Variants in JMJD1C observed in about 807,000 individuals in gnomAD.
JMJD1C encodes jumonji domain containing 1C.
Under a neutral mutation model 245.3 loss-of-function variants are expected in JMJD1C, and 31 were observed. The observed-to-expected ratio is 0.13, with a 90% CI of 0.09 to 0.17. JMJD1C has a LOEUF of 0.17. Among genes scored for constraint, JMJD1C ranks in the 10% least tolerant of loss-of-function variants. The pLI is 1.00. For missense variants in JMJD1C, 2,691 were observed against 3,000.2 expected (o/e 0.90, Z 2.41); for synonymous variants, 1,057 against 1,017.4 (o/e 1.04, Z -0.74).
intron 3 of JMJD1C, among the ~76,000 whole-genome samples, chr10:63,241,246 G>A (rs1851448489): frequency 6.6e-6 from 1 of 152,154 alleles, no homozygotes; most frequent in African/African-American, 2.4e-5. Context: ...ATATTAAGTT[G>A]AAAGCTCAGG....
chr10:63,216,515 C>T (rs771411664), intron 5 of JMJD1C, among the ~76,000 whole-genome samples: 3 of 151,828 alleles, frequency 2.0e-5, no homozygotes, highest in Non-Finnish European at 4.4e-5. Context: ...TCGAGACCAT[C>T]CTGGCTAACA....
chr10:63,516,497 G>A (rs1265160847), intron 1 of JMJD1C, among the ~76,000 whole-genome samples: 1 of 152,116 alleles, frequency 6.6e-6, no homozygotes, highest in Non-Finnish European at 1.5e-5. Context: ...TCTATCTTGA[G>A]CTTAAAACCC....
At chr10:63,454,372 C>T (rs538050834) in intron 1 of JMJD1C, among the ~76,000 whole-genome samples, 1 of 152,064 alleles carries the variant, frequency 6.6e-6, no homozygotes, top group East Asian at 1.9e-4. Flanking sequence ...ATTCTCATGC[C>T]TCAGCCTCCA....
At chr10:63,468,153 GT>G (rs1190849647), upstream of JMJD1C, among the ~76,000 whole-genome samples, 1 of 152,066 alleles carries the variant, frequency 6.6e-6, no homozygotes, top group Admixed American at 6.6e-5. Flanking sequence ...TAGAAACAAA[GT>G]TTTTCAGGAG....
intron 2 of JMJD1C, among the ~76,000 whole-genome samples, chr10:63,338,241 C>G (rs1482421570): frequency 6.6e-6 from 1 of 152,152 alleles, no homozygotes; most frequent in African/African-American, 2.4e-5. Flanking sequence ...CTCAAGCCAT[C>G]CTCCTGCCTC....
At chr10:63,399,309 T>C (rs1948707200) in intron 1 of JMJD1C, among the ~76,000 whole-genome samples, 1 of 152,164 alleles carries the variant, frequency 6.6e-6, no homozygotes, top group South Asian at 2.1e-4. Flanking sequence ...ATCTTGTCCA[T>C]TTCCTGCCCC....
chr10:63,452,212 C>G (rs1303419893), intron 1 of JMJD1C, among the ~76,000 whole-genome samples: 2 of 152,090 alleles, frequency 1.3e-5, no homozygotes, highest in Non-Finnish European at 2.9e-5. Context: ...TACTAATAAC[C>G]AGAATATGTA....
intron 2 of JMJD1C, among the ~76,000 whole-genome samples, chr10:63,353,744 T>C (rs1328806226): frequency 6.6e-6 from 1 of 152,056 alleles, no homozygotes; most frequent in Non-Finnish European, 1.5e-5. Flanking sequence ...TGGCCTCAAG[T>C]GATCTGCCCG....
chr10:63,181,247 T>G (rs2132859544), intron 22 of JMJD1C, among the ~76,000 whole-genome samples: 1 of 152,300 alleles, frequency 6.6e-6, no homozygotes, highest in South Asian at 2.1e-4. Context: ...TTAACAAAAT[T>G]AAAAGCTGGA....
At chr10:63,193,714 T>A (rs1845115248) in intron 14 of JMJD1C, 1 of 267,486 alleles carries the variant, frequency 3.7e-6, no homozygotes. Context: ...TCACCCAGGC[T>A]GGAGTGCAGT....
At chr10:63,335,660 T>A (rs1356134593) in intron 2 of JMJD1C, among the ~76,000 whole-genome samples, 1 of 152,080 alleles carries the variant, frequency 6.6e-6, no homozygotes, top group Non-Finnish European at 1.5e-5. Flanking sequence ...TACAGGCACC[T>A]GCCACTGCAA....
intron 2 of JMJD1C, among the ~76,000 whole-genome samples, chr10:63,352,454 A>G (rs12253510): frequency 0.14 from 21,418 of 151,982 alleles, 3,456 homozygotes; most frequent in African/African-American, 0.4. Flanking sequence ...CATGGCCAAA[A>G]TGGTGAAACC....
chr10:63,222,515 C>A, intron 3 of JMJD1C: 1 of 1,252,624 alleles, frequency 8.0e-7, no homozygotes, highest in Non-Finnish European at 1.2e-6. Context: ...TGACTGACTG[C>A]ACTTTTGTCC....
intron 3 of JMJD1C, among the ~76,000 whole-genome samples, chr10:63,228,311 AG>A (rs1397982044): frequency 6.6e-6 from 1 of 152,208 alleles, no homozygotes; most frequent in Non-Finnish European, 1.5e-5. Flanking sequence ...TAGAATGTTT[AG>A]GTGTTATGAC....
intron 2 of JMJD1C, among the ~76,000 whole-genome samples, chr10:63,353,873 G>A (rs118185574): frequency 0.025 from 3,713 of 146,820 alleles, 65 homozygotes; most frequent in South Asian, 0.066. Flanking sequence ...ATGGAGTCTC[G>A]CTTGGTAGCC....
chr10:63,184,150 C>A (rs1843822654), intron 21 of JMJD1C, among the ~76,000 whole-genome samples: 1 of 151,900 alleles, frequency 6.6e-6, no homozygotes, highest in Non-Finnish European at 1.5e-5. Context: ...TGGTCTCAAT[C>A]TCTTAACCTC....
intron 3 of JMJD1C, among the ~76,000 whole-genome samples, chr10:63,233,921 AAAAG>A (rs994432151): frequency 1.5e-4 from 23 of 152,142 alleles, no homozygotes; most frequent in African/African-American, 5.3e-4. Context: ...TATAATGAGA[AAAAG>A]AAACATTTAA....
chr10:63,247,718 C>A (rs1218308397), intron 3 of JMJD1C, among the ~76,000 whole-genome samples: 4 of 12,620 alleles, frequency 3.2e-4, no homozygotes, highest in Non-Finnish European at 7.2e-4. Flanking sequence ...GGTGACAGAG[C>A]CAAAAAAAAA....
At chr10:63,437,612 AT>A (rs1951129960) in intron 1 of JMJD1C, among the ~76,000 whole-genome samples, 1 of 152,132 alleles carries the variant, frequency 6.6e-6, no homozygotes, top group African/African-American at 2.4e-5. Flanking sequence ...ACAAAATCTT[AT>A]CTTCCTCCTA....
Sources: allele counts gnomAD v4.1 joint callset (sites outside exome capture counted in the v4.1 genomes callset), GRCh38; gene constraint gnomAD v4.1.1; transcripts MANE v1.5; gene names NCBI Gene and HGNC (gene_info 2026-07-23, HGNC 2026-07-21).